The following ADGRF5 variants were observed in gnomAD, a reference collection of about 807,000 sequenced individuals.
The protein encoded by ADGRF5 is G-protein coupled receptor 116.
Under a neutral mutation model 132.3 loss-of-function variants are expected in ADGRF5, and 75 were observed. That is an observed-to-expected ratio of 0.57 (90% CI 0.47 to 0.69). The LOEUF is 0.69. ADGRF5 is among the 30% of genes least tolerant of loss of function. The pLI, the probability that ADGRF5 is intolerant of heterozygous loss-of-function variation, is 0.00. For synonymous variants in ADGRF5, 629 were observed against 597.6 expected (o/e 1.05, Z -0.77); for missense variants, 1,516 against 1,630.6 (o/e 0.93, Z 1.21).
Position 46,872,929 on chromosome 6 carries a change from T to A in ADGRF5, c.1241-916A>T, listed in dbSNP as rs573701222. Among the ~76,000 whole-genome samples, 115 of 152,324 alleles carry A rather than the reference T, an allele frequency of 7.5e-4. 4 individuals carry two copies. The highest frequency in any genetic ancestry group is 1.8e-4 in the Non-Finnish European group (12 of 68,030). On this transcript the variant is annotated intron_variant, in intron 10 of 20. Transcript: ENST00000283296. Reference sequence around the variant, plus strand: ...ATCAATGATATTTGACATATTTCAATCAACATGTAACTAGCTTTTCTCCCT... The same window carrying A: ...ATCAATGATATTTGACATATTTCAAACAACATGTAACTAGCTTTTCTCCCT...
intron 1 of ADGRF5, among the ~76,000 whole-genome samples, chr6:46,945,368 G>T (rs1337331741): frequency 6.6e-6 from 1 of 152,146 alleles, no homozygotes; most frequent in Non-Finnish European, 1.5e-5. Context: ...TCCTGAAAGA[G>T]AACAAGATGT....
intron 1 of ADGRF5, among the ~76,000 whole-genome samples, chr6:46,941,414 A>AAGAAAAGAAAAGAAAAGAAAAG (rs1778058134): frequency 1.2e-4 from 5 of 42,524 alleles, no homozygotes; most frequent in African/African-American, 4.7e-4. Flanking sequence ...AAGAAAAGAA[A>AAGAAAAGAAAAGAAAAGAAAAG]AGAAAAGAAA....
chr6:46,898,833 T>G (rs1203305282), intron 3 of ADGRF5, among the ~76,000 whole-genome samples: 1 of 151,936 alleles, frequency 6.6e-6, no homozygotes, highest in Admixed American at 6.6e-5. Flanking sequence ...GGTAAAAAAT[T>G]TTTCCTTCTA....
chr6:46,873,451 C>T (rs1171510567), intron 10 of ADGRF5, among the ~76,000 whole-genome samples: 1 of 152,144 alleles, frequency 6.6e-6, no homozygotes, highest in African/African-American at 2.4e-5. Context: ...CTGCAGCATC[C>T]CATTCTCCTG....
chr6:46,881,667 T>C (rs1772480611), intron 7 of ADGRF5, 70 bp from the exon 8 acceptor site: 1 of 1,408,748 alleles, frequency 7.1e-7, no homozygotes, highest in Non-Finnish European at 9.9e-7. Context: ...TATGGCTTAT[T>C]TGCTTAGGAA....
chr6:46,883,256 C>G (rs1332025582), intron 6 of ADGRF5, among the ~76,000 whole-genome samples: 1 of 152,138 alleles, frequency 6.6e-6, no homozygotes, highest in Non-Finnish European at 1.5e-5. Flanking sequence ...TGCACCAACT[C>G]ATGCTTGTAG....
At chr6:46,881,851 A>G (rs1421801093) in intron 7 of ADGRF5, among the ~76,000 whole-genome samples, 198 bp downstream of exon 7, 1 of 152,200 alleles carries the variant, frequency 6.6e-6, no homozygotes, top group African/African-American at 2.4e-5. Context: ...TTGCACATAT[A>G]TAGAATGAAC....
At chr6:46,899,904 A>G (rs1370884881) in intron 3 of ADGRF5, 125 bp downstream of exon 3, 1 of 688,570 alleles carries the variant, frequency 1.5e-6, no homozygotes, top group Non-Finnish European at 2.6e-6. Context: ...TGGAAATCAC[A>G]CTGCACTATA....
intron 3 of ADGRF5, among the ~76,000 whole-genome samples, chr6:46,889,780 G>GTA (rs34974726): frequency 0.013 from 1,901 of 143,154 alleles, 19 homozygotes; most frequent in South Asian, 0.039. Flanking sequence ...ATGTGTGTGT[G>GTA]TATATATATA....
In ADGRF5 at chr6:46,900,109, T is replaced by G. The variant is rs148870592; in HGVS notation, c.103-26A>C. 1.5e-3 allele frequency: 2,408 copies of G among 1,571,816 alleles called. 26 individuals carry two copies. The African/African-American group carries it at 0.027, about 17-fold the overall frequency. On this transcript the variant is annotated intron_variant, in intron 2 of 20. Transcript: ENST00000283296. Reference sequence around the variant, plus strand: ...CTGAAAAGAACATTTGAGAAAGTTGTCAATTAACGTTAGAGAAGTCTTTTC... The same window carrying G: ...CTGAAAAGAACATTTGAGAAAGTTGGCAATTAACGTTAGAGAAGTCTTTTC...
chr6:46,928,118 G>A (rs1461825893), intron 1 of ADGRF5, among the ~76,000 whole-genome samples: 1 of 152,168 alleles, frequency 6.6e-6, no homozygotes, highest in African/African-American at 2.4e-5. Context: ...GGTTCCAGAC[G>A]AAGCATAACC....
chr6:46,878,150 T>C (rs1394560656), intron 10 of ADGRF5, 52 bp downstream of exon 10: 1 of 1,153,032 alleles, frequency 8.7e-7, no homozygotes, highest in South Asian at 1.2e-5. Context: ...CCATTTCTAC[T>C]TGGCCAAGAG....
intron 1 of ADGRF5, among the ~76,000 whole-genome samples, chr6:46,921,090 C>T (rs1406265578): frequency 6.6e-6 from 1 of 152,170 alleles, no homozygotes; most frequent in Admixed American, 6.5e-5. Context: ...CCTTTCAAAA[C>T]AAGTCGGCCT....
chr6:46,947,465 T>C (rs540607073), intron 1 of ADGRF5, among the ~76,000 whole-genome samples: 3 of 152,250 alleles, frequency 2.0e-5, no homozygotes, highest in Non-Finnish European at 2.9e-5. Flanking sequence ...CACACATATG[T>C]GCACATCTGC....
At chr6:46,937,503 A>G (rs921155180) in intron 1 of ADGRF5, among the ~76,000 whole-genome samples, 2 of 152,182 alleles carry the variant, frequency 1.3e-5, no homozygotes, top group Non-Finnish European at 2.9e-5. Flanking sequence ...GCAAGGCAAC[A>G]CAGTGGTCCC....
chr6:46,891,557 A>G (rs1269742499), intron 3 of ADGRF5, among the ~76,000 whole-genome samples: 1 of 151,656 alleles, frequency 6.6e-6, no homozygotes, highest in Admixed American at 6.6e-5. Context: ...GGGTGAGGTC[A>G]GTAACAAATT....
intron 3 of ADGRF5, among the ~76,000 whole-genome samples, chr6:46,896,099 G>A (rs561551163): frequency 1.3e-5 from 2 of 152,170 alleles, no homozygotes; most frequent in East Asian, 1.9e-4. Context: ...CTAGACTGCC[G>A]AGCCTCCTGG....
chr6:46,875,667 C>T (rs915087008), intron 10 of ADGRF5, among the ~76,000 whole-genome samples: 2 of 152,128 alleles, frequency 1.3e-5, no homozygotes, highest in Non-Finnish European at 2.9e-5. Context: ...ATCCCAGCTA[C>T]TCGGGAGGCT....
At chr6:46,873,294 T>G (rs1367753253) in intron 10 of ADGRF5, among the ~76,000 whole-genome samples, 1 of 152,186 alleles carries the variant, frequency 6.6e-6, no homozygotes, top group Non-Finnish European at 1.5e-5. Flanking sequence ...GCTTCTGTGT[T>G]TGCCACTTCC....
Sources: gnomAD v4.1 joint callset for allele counts (sites outside exome capture counted in the v4.1 genomes callset) on GRCh38, gnomAD v4.1.1 for gene constraint, MANE v1.5 for transcripts, NCBI Gene and HGNC (gene_info 2026-07-23, HGNC 2026-07-21) for gene names.